The following ANO6 variants were observed in gnomAD, a reference collection of about 807,000 sequenced individuals.
ANO6 encodes anoctamin 6.
In ANO6, 106 loss-of-function variants were observed where a neutral mutation model predicts 117.5. The observed-to-expected ratio is 0.90, with a 90% confidence interval of 0.77 to 1.06. The LOEUF is 1.06. Ranked by LOEUF, ANO6 falls within the 50% of genes least tolerant of loss-of-function variation. The probability of loss-of-function intolerance (pLI) is 0.00; values close to 1 mark genes in which losing one functional copy is unlikely to be tolerated. For missense variants in ANO6, 955 were observed against 1,121.1 expected, an observed-to-expected ratio of 0.85 and a Z score of 2.12; for synonymous variants, 367 against 385.1, an observed-to-expected ratio of 0.95 and a Z score of 0.55.
chr12:45,437,561 T>C (rs1943721217), intron 19 of ANO6, among the ~76,000 whole-genome samples: 1 of 151,422 alleles, frequency 6.6e-6, no homozygotes, highest in African/African-American at 2.5e-5. Flanking sequence ...CAAAGGTTTT[T>C]GTGGGCTCTC....
intron 1 of ANO6, among the ~76,000 whole-genome samples, chr12:45,226,195 GT>G (rs1336466403): frequency 1.3e-5 from 2 of 152,164 alleles, no homozygotes; most frequent in African/African-American, 4.8e-5. Flanking sequence ...AAGTTGAAGG[GT>G]TAATAGGCAA....
intron 9 of ANO6, among the ~76,000 whole-genome samples, chr12:45,368,808 C>T (rs1019721109): frequency 6.6e-6 from 1 of 152,194 alleles, no homozygotes; most frequent in African/African-American, 2.4e-5. Flanking sequence ...TGCTGTTATA[C>T]TGATGCCACT....
chr12:45,284,879 T>A (rs995772153), intron 1 of ANO6, among the ~76,000 whole-genome samples: 2 of 152,190 alleles, frequency 1.3e-5, no homozygotes, highest in African/African-American at 2.4e-5. Flanking sequence ...TTTAAGACAT[T>A]TAATCCTGGA....
At chr12:45,293,729 GTTTTTTTTTTTTTT>G (rs138396024) in intron 1 of ANO6, among the ~76,000 whole-genome samples, 1 of 48,418 alleles carries the variant, frequency 2.1e-5, no homozygotes, top group African/African-American at 8.2e-5. Flanking sequence ...CCTGGCTAAT[GTTTTTTTTTTTTTT>G]TTTTTTTTTT....
At chr12:45,238,712 T>G (rs1251501489) in intron 1 of ANO6, among the ~76,000 whole-genome samples, 2 of 152,190 alleles carry the variant, frequency 1.3e-5, no homozygotes, top group East Asian at 3.8e-4. Flanking sequence ...TGAGATATGT[T>G]CCATCAATAC....
chr12:45,329,791 C>A (rs1592974367), intron 2 of ANO6, among the ~76,000 whole-genome samples: 1 of 152,092 alleles, frequency 6.6e-6, no homozygotes, highest in Non-Finnish European at 1.5e-5. Flanking sequence ...CAATTTTCCT[C>A]TAGCAATAGC....
intron 1 of ANO6, among the ~76,000 whole-genome samples, chr12:45,263,034 G>C (rs1324452183): frequency 6.6e-6 from 1 of 151,962 alleles, no homozygotes; most frequent in Non-Finnish European, 1.5e-5. Flanking sequence ...GGTATAATTT[G>C]CATAATCATT....
intron 12 of ANO6, 45 bp downstream of exon 12, chr12:45,390,543 AT>A (rs771034355): frequency 1.4e-5 from 21 of 1,522,278 alleles, no homozygotes; most frequent in Non-Finnish European, 1.5e-5. Context: ...AAATGTTTTT[AT>A]TATGTAACAG....
chr12:45,218,390 C>CTTTTTTTTT (rs76855973), intron 1 of ANO6, among the ~76,000 whole-genome samples: 16 of 110,106 alleles, frequency 1.5e-4, no homozygotes, highest in Middle Eastern at 5.1e-3. Context: ...CTTTCTTTCT[C>CTTTTTTTTT]TTTTTTTTTT....
intron 1 of ANO6, among the ~76,000 whole-genome samples, chr12:45,221,724 G>T (rs567540381): frequency 6.6e-6 from 1 of 152,004 alleles, no homozygotes; most frequent in Non-Finnish European, 1.5e-5. Context: ...TTATGAAAGA[G>T]GCGCCATCTG....
At chr12:45,400,823 T>C (rs1457523990) in intron 12 of ANO6, among the ~76,000 whole-genome samples, 1 of 152,216 alleles carries the variant, frequency 6.6e-6, no homozygotes, top group Non-Finnish European at 1.5e-5. Context: ...CAGTTTCCCT[T>C]CTCTGAAACT....
chr12:45,268,257 A>G (rs1384107994), intron 1 of ANO6, among the ~76,000 whole-genome samples: 1 of 152,224 alleles, frequency 6.6e-6, no homozygotes, highest in East Asian at 1.9e-4. Flanking sequence ...ACAGTGGCTC[A>G]TGCCTGTAAT....
chr12:45,367,035 G>C (rs1389451089), intron 8 of ANO6, among the ~76,000 whole-genome samples: 1 of 152,174 alleles, frequency 6.6e-6, no homozygotes, highest in African/African-American at 2.4e-5. Flanking sequence ...AGGCTGGAGT[G>C]CAGTGGCATG....
chr12:45,276,015 C>A (rs1938543554), intron 1 of ANO6, among the ~76,000 whole-genome samples: 1 of 152,178 alleles, frequency 6.6e-6, no homozygotes, highest in Admixed American at 6.5e-5. Context: ...ATGGATGTCT[C>A]ATGTTCAGGG....
chr12:45,368,243 G>A (rs1483648812), intron 9 of ANO6, among the ~76,000 whole-genome samples: 1 of 152,168 alleles, frequency 6.6e-6, no homozygotes, highest in Non-Finnish European at 1.5e-5. Flanking sequence ...CTGAAATGCT[G>A]CCTTGAGCAT....
In ANO6 at chr12:45,401,889, G is replaced by A. The variant is rs774669551; in HGVS notation, c.1481G>A (p.Gly494Glu). ...GCAAAACTTCCCAAGAACATTAATGGAACAGACCCAATCCAGAAATACCTG... is the reference window on the plus strand; with the variant it reads ...GCAAAACTTCCCAAGAACATTAATGAAACAGACCCAATCCAGAAATACCTG... ...FSAKLPKNIN[G>E]TDPIQKYLTP... Residue 494 changes from glycine to glutamate, a missense_variant, in exon 13 of 20, where the codon GGA becomes GAA. Coordinates refer to ENST00000320560, the MANE Select transcript of ANO6 (RefSeq NM_001025356.3). 19 of 1,613,772 alleles carry A rather than the reference G, an allele frequency of 1.2e-5. No individual in the cohort carries two copies. In the East Asian group the frequency reaches 3.8e-4, roughly 32 times the overall value.
At chr12:45,233,379 C>T (rs554493667) in intron 1 of ANO6, among the ~76,000 whole-genome samples, 6 of 152,266 alleles carry the variant, frequency 3.9e-5, no homozygotes, top group Middle Eastern at 3.4e-3. Context: ...TAAAGGGTTG[C>T]AAATTCTGTT....
intron 15 of ANO6, among the ~76,000 whole-genome samples, chr12:45,404,541 C>G (rs942056862): frequency 6.6e-6 from 1 of 152,080 alleles, no homozygotes; most frequent in Non-Finnish European, 1.5e-5. Context: ...TGGGGTGAAT[C>G]TCTTTGCCTT....
chr12:45,229,743 G>A (rs7133145), intron 1 of ANO6, among the ~76,000 whole-genome samples: 1 of 152,038 alleles, frequency 6.6e-6, no homozygotes, highest in Admixed American at 6.5e-5. Flanking sequence ...AGACAGCTTA[G>A]CCTGGCTCTG....
Sources: allele counts gnomAD v4.1 joint callset (sites outside exome capture counted in the v4.1 genomes callset), GRCh38; gene constraint gnomAD v4.1.1; transcripts MANE v1.5; gene names NCBI Gene and HGNC (gene_info 2026-07-23, HGNC 2026-07-21).